Variants in TPMT observed in about 807,000 individuals in gnomAD.
TPMT encodes the protein S-adenosyl-L-methionine:thiopurine S-methyltransferase.
TPMT carries 18 observed loss-of-function variants against 34.2 expected under a neutral mutation model. That is an observed-to-expected ratio of 0.53 (90% CI 0.36 to 0.78). The LOEUF (loss-of-function observed/expected upper bound fraction) is 0.78. Ranked by LOEUF, TPMT falls within the 30% of genes least tolerant of loss-of-function variation. The probability of loss-of-function intolerance (pLI) is 0.00; values close to 1 mark genes in which losing one functional copy is unlikely to be tolerated. For synonymous variants in TPMT, 69 were observed against 92.4 expected (o/e 0.75, Z 1.45); for missense variants, 265 against 288.1 (o/e 0.92, Z 0.58).
rs887355372 is a variant in TPMT at position 18,146,375 on chromosome 6, T to G, written c.233+1448A>C. ...CTGCCATGCCTGGCTAATTTTTGTA[T>G]TTTTAGTAGAGATGGGTTTTCACCA... On this transcript the variant is annotated intron_variant, in intron 3 of 8. Transcript: ENST00000309983. The surrounding 1 kb of genome is among the most constrained non-coding windows in gnomAD (Gnocchi z 6.2). Among the ~76,000 whole-genome samples the G allele has an allele frequency of 8.5e-5, 13 of 152,102 alleles. No homozygotes were observed. Among genetic ancestry groups the G allele is most frequent in the African/African-American group, 3.1e-4 (13 of 41,424 alleles).
Position 18,133,790 on chromosome 6 carries a change from C to G in TPMT, c.580+14G>C. 1 of 1,551,602 alleles carries G rather than the reference C, an allele frequency of 6.4e-7. No homozygotes were observed. Reference sequence around the variant, plus strand: ...CAACTGGTAAAAGAAAAAAAAAAAACCCAACAACTTTACCTGGATGTTTAG... The same window carrying G: ...CAACTGGTAAAAGAAAAAAAAAAAAGCCAACAACTTTACCTGGATGTTTAG... On this transcript the variant is annotated intron_variant, in intron 7 of 8. Transcript: ENST00000309983.
Position 18,149,351 on chromosome 6 carries a change from T to C in TPMT, c.-44-180A>G, listed in dbSNP as rs1481141284. 6.6e-6 allele frequency among the ~76,000 whole-genome samples: 1 copy of C among 152,204 alleles called. No homozygotes were observed. Among genetic ancestry groups the C allele is most frequent in the Non-Finnish European group, 1.5e-5 (1 of 68,038 alleles). ...TGTCTCCCAGCCTGGGGTACAGTAG[T>C]GTGATCTTGGCTCACTGCAACCTCT... On this transcript the variant is annotated intron_variant, in intron 1 of 8. Coordinates refer to ENST00000309983, the MANE Select transcript of TPMT (RefSeq NM_000367.5). This position sits in a 1 kb window ranked among gnomAD's most constrained non-coding sequence, Gnocchi z 5.0.
At chr6:18,151,252 C>CCAAAGT (rs1784349837) in intron 1 of TPMT, among the ~76,000 whole-genome samples, 1 of 147,352 alleles carries the variant, frequency 6.8e-6, no homozygotes, top group South Asian at 2.1e-4. Flanking sequence ...GATGGCTTGA[C>CCAAAGT]GCCTGGAGTT....
chr6:18,143,637 C>T lies in TPMT; in HGVS notation c.325G>A (p.Glu109Lys), dbSNP rs1248105963. ...CCAGGAATTTCGGTGATTGGTTCTT[C>T]TGAGTAAGAAAGATTCTGCTCTGTA... ...FFTEQNLSYS[E>K]EPITEIPGTK... Residue 109 changes from glutamate (E) to lysine (K), a missense_variant, in exon 4 of 9, where the codon GAA becomes AAA. Coordinates refer to ENST00000309983, the MANE Select transcript of TPMT (RefSeq NM_000367.5). This position sits in a 1 kb window ranked among gnomAD's most constrained non-coding sequence, Gnocchi z 6.1. 2 of 1,613,536 alleles carry T rather than the reference C, an allele frequency of 1.2e-6. No individual in the cohort carries two copies. Among genetic ancestry groups the T allele is most frequent in the Middle Eastern group, 1.8e-4 (1 of 5,580 alleles).
At position 18,130,403 on chromosome 6, in the gene TPMT, T is replaced by C. The variant is rs1783918654; in HGVS notation, c.*265A>G. On this transcript the variant is annotated 3_prime_UTR_variant, in exon 9 of 9. Coordinates refer to ENST00000309983, the MANE Select transcript of TPMT (RefSeq NM_000367.5). This position sits in a 1 kb window ranked among gnomAD's most constrained non-coding sequence, Gnocchi z 4.2. Reference sequence around the variant, plus strand: ...ACACATGCTGATTGGTAAAATATCTTGCAATCTGCAAGACACATAGGCATA... The same window carrying C: ...ACACATGCTGATTGGTAAAATATCTCGCAATCTGCAAGACACATAGGCATA... The C allele has an allele frequency of 2.6e-6, 1 of 387,060 alleles. No individual in the cohort carries two copies. Among genetic ancestry groups the C allele is most frequent in the Non-Finnish European group, 4.7e-6 (1 of 211,370 alleles). 24.0% of individuals were successfully genotyped at this position (387,060 alleles called of 1,614,324 possible).
intron 6 of TPMT, among the ~76,000 whole-genome samples, chr6:18,137,569 A>G (rs1234515041): frequency 6.6e-6 from 1 of 152,226 alleles, no homozygotes; most frequent in Non-Finnish European, 1.5e-5. Flanking sequence ...TTTACTCAGT[A>G]TGCTTCCTCA....
chr6:18,130,366 A>T lies in TPMT; in HGVS notation c.*302T>A. 1 of 269,076 alleles carries T rather than the reference A, an allele frequency of 3.7e-6. No homozygotes were observed. Among genetic ancestry groups the T allele is most frequent in the Non-Finnish European group, 7.1e-6 (1 of 140,250 alleles). 16.7% of individuals were successfully genotyped at this position (269,076 alleles called of 1,614,324 possible). The stretch of plus-strand genomic sequence containing the variant: ...CATTGCATTTTGAAATATTTTTTTA[A>T]TTGTACAGGTAACACATGCTGATTG... On this transcript the variant is annotated 3_prime_UTR_variant, in exon 9 of 9. Coordinates refer to ENST00000309983, the MANE Select transcript of TPMT (RefSeq NM_000367.5). The surrounding 1 kb of genome is among the most constrained non-coding windows in gnomAD (Gnocchi z 4.2).
chr6:18,140,981 T>C lies in TPMT; in HGVS notation c.367-1264A>G, dbSNP rs534143780. On this transcript the variant is annotated intron_variant, in intron 4 of 8. Transcript: ENST00000309983. This position sits in a 1 kb window ranked among gnomAD's most constrained non-coding sequence, Gnocchi z 4.7. ...TCTTTGACAACCAGCCTGGGATCAC[T>C]GGGTCAGCCCAGAGATGGGTGGGCC... 8.8e-4 allele frequency among the ~76,000 whole-genome samples: 134 copies of C among 152,270 alleles called. No individual in the cohort carries two copies. The highest frequency in any genetic ancestry group is 3.1e-3 in the African/African-American group (129 of 41,542).
chr6:18,149,283 CT>C lies in TPMT; in HGVS notation c.-44-113del. The C allele has an allele frequency of 5.0e-6, 5 of 999,272 alleles. No individual in the cohort carries two copies. The highest frequency in any genetic ancestry group is 7.3e-6 in the Non-Finnish European group (5 of 682,630). 61.9% of individuals were successfully genotyped at this position (999,272 alleles called of 1,614,324 possible). ...TATGACTTTTTAAAAATATTTCTTT[CT>C]TTTTTTATTTCTGGTTTTATTTTTG... On this transcript the variant is annotated intron_variant, in intron 1 of 8. Coordinates refer to ENST00000309983, the MANE Select transcript of TPMT (RefSeq NM_000367.5). The surrounding 1 kb of genome is among the most constrained non-coding windows in gnomAD (Gnocchi z 5.0).
Position 18,150,175 on chromosome 6 carries a change from C to T in TPMT, c.-44-1004G>A, listed in dbSNP as rs1784325347. 6.6e-6 allele frequency among the ~76,000 whole-genome samples: 1 copy of T among 152,202 alleles called. No individual in the cohort carries two copies. The highest frequency in any genetic ancestry group is 2.1e-4 in the South Asian group (1 of 4,830). Reference sequence around the variant, plus strand: ...GTTTGCTTAATTTGCTAGAGCAACTCACAAACCTCAGAGAAATACTTAGTT... The same window carrying T: ...GTTTGCTTAATTTGCTAGAGCAACTTACAAACCTCAGAGAAATACTTAGTT... On this transcript the variant is annotated intron_variant, in intron 1 of 8. Transcript: ENST00000309983. This position sits in a 1 kb window ranked among gnomAD's most constrained non-coding sequence, Gnocchi z 5.3.
intron 1 of TPMT, among the ~76,000 whole-genome samples, chr6:18,152,850 C>G (rs1302292558): frequency 6.6e-6 from 1 of 152,132 alleles, no homozygotes; most frequent in African/African-American, 2.4e-5. Flanking sequence ...ATCAACCAAC[C>G]CCCTGATGCT....
Position 18,148,020 on chromosome 6 carries a change from TATTA to T in TPMT, c.141-109_141-106del, listed in dbSNP as rs1424575669. ...CCCAACAACCTTAATAAGCAGTTAC[TATTA>T]ATTATTATAATCTCCAGCTTACATA... On this transcript the variant is annotated intron_variant, in intron 2 of 8. Transcript: ENST00000309983. This position sits in a 1 kb window ranked among gnomAD's most constrained non-coding sequence, Gnocchi z 4.1. 1.3e-5 allele frequency: 11 copies of T among 816,992 alleles called. No homozygotes were observed. Among genetic ancestry groups the T allele is most frequent in the African/African-American group, 6.9e-5 (4 of 57,650 alleles). The allele number at this position is 816,992 out of a possible 1,614,324, so 50.6% of individuals were successfully genotyped here. A position where few individuals can be genotyped will look rare whatever the true frequency, so the allele number is the denominator to read the frequency against.
Position 18,138,591 on chromosome 6 carries a change from C to T in TPMT, c.494+372G>A, listed in dbSNP as rs1032405252. On this transcript the variant is annotated intron_variant, in intron 6 of 8. Coordinates refer to ENST00000309983, the MANE Select transcript of TPMT (RefSeq NM_000367.5). The surrounding 1 kb of genome is among the most constrained non-coding windows in gnomAD (Gnocchi z 4.1). ...CCCACATAAAGTATTTTGAACAATA[C>T]CTGGAATAGGCAAGTGACCAGTAAG... Among the ~76,000 whole-genome samples, 3 of 152,100 alleles carry T rather than the reference C, an allele frequency of 2.0e-5. No homozygotes were observed. Among genetic ancestry groups the T allele is most frequent in the African/African-American group, 7.2e-5 (3 of 41,414 alleles).
intron 6 of TPMT, 119 bp from the exon 7 acceptor site, chr6:18,134,008 T>A: frequency 1.3e-6 from 1 of 757,356 alleles, no homozygotes; most frequent in African/African-American, 1.8e-5. Context: ...GTTTAAATTC[T>A]CCTAATAATC....
chr6:18,139,630 A>C lies in TPMT; in HGVS notation c.419+35T>G, dbSNP rs779236329. On this transcript the variant is annotated intron_variant, in intron 5 of 8. Coordinates refer to ENST00000309983, the MANE Select transcript of TPMT (RefSeq NM_000367.5). This position sits in a 1 kb window ranked among gnomAD's most constrained non-coding sequence, Gnocchi z 4.2. ...GCCTGCACTGCCTGGCAAGCATTCA[A>C]ATTTTTTAAAGTGCAGATGTAGTAT... The C allele has an allele frequency of 6.3e-7, 1 of 1,585,764 alleles. No individual in the cohort carries two copies. The highest frequency in any genetic ancestry group is 1.1e-5 in the South Asian group (1 of 90,374).
intron 1 of TPMT, among the ~76,000 whole-genome samples, chr6:18,151,183 T>TC (rs2037799168): frequency 8.1e-6 from 1 of 123,350 alleles, no homozygotes; most frequent in African/African-American, 3.4e-5. Flanking sequence ...ACTTCTTCTC[T>TC]CTTTTTTTTT....
intron 3 of TPMT, among the ~76,000 whole-genome samples, chr6:18,144,808 C>G (rs187787504): frequency 5.3e-5 from 8 of 151,922 alleles, no homozygotes; most frequent in Admixed American, 5.2e-4. Flanking sequence ...GCAACCTCCA[C>G]CTCCCGAGTT....
At position 18,138,420 on chromosome 6, in the gene TPMT, C is replaced by T. The variant is rs927554593; in HGVS notation, c.494+543G>A. Among the ~76,000 whole-genome samples the T allele has an allele frequency of 1.3e-5, 2 of 152,060 alleles. No homozygotes were observed. Among genetic ancestry groups the T allele is most frequent in the East Asian group, 1.9e-4 (1 of 5,174 alleles). ...TAGCTGGGACTACAAGCACATACCA[C>T]CACGGTCGGATAATTTTAAAAATAT... is the stretch of plus-strand genomic sequence containing the variant. On this transcript the variant is annotated intron_variant, in intron 6 of 8. Coordinates refer to ENST00000309983, the MANE Select transcript of TPMT (RefSeq NM_000367.5). The surrounding 1 kb of genome is among the most constrained non-coding windows in gnomAD (Gnocchi z 4.1).
At chr6:18,152,969 A>G (rs1416539300) in intron 1 of TPMT, among the ~76,000 whole-genome samples, 5 of 152,178 alleles carry the variant, frequency 3.3e-5, no homozygotes, top group African/African-American at 1.2e-4. Flanking sequence ...ACCTTTTGAT[A>G]TAAGAGGGCC....
Sources: allele counts gnomAD v4.1 joint callset (sites outside exome capture counted in the v4.1 genomes callset), GRCh38; gene constraint gnomAD v4.1.1; non-coding constraint Gnocchi (gnomAD v3.1); transcripts MANE v1.5; gene names NCBI Gene and HGNC (gene_info 2026-07-23, HGNC 2026-07-21).